CDX1: variants seen among roughly 807,000 people sequenced by gnomAD.
The protein encoded by CDX1 is homeobox protein CDX-1.
Under a neutral mutation model 16.9 loss-of-function variants are expected in CDX1, and 9 were observed. The ratio of observed to expected loss-of-function variants is 0.53; its 90% confidence interval spans 0.32 to 0.93. The LOEUF (loss-of-function observed/expected upper bound fraction) is 0.93, where lower values mean the gene tolerates loss of function less well. Ranked by LOEUF, CDX1 falls within the 40% of genes least tolerant of loss-of-function variation. The pLI is 0.04. For missense variants in CDX1, 393 were observed against 386.1 expected (o/e 1.02, Z -0.15); for synonymous variants, 179 against 179.0 (o/e 1.00, Z 0.00).
At chr5:150,181,374 TCTC>T (rs1390353912) in intron 1 of CDX1, among the ~76,000 whole-genome samples, 1 of 152,082 alleles carries the variant, frequency 6.6e-6, no homozygotes, top group Non-Finnish European at 1.5e-5. Flanking sequence ...TTCAAGCAAT[TCTC>T]CTGTTTTCCC....
Position 150,167,096 on chromosome 5 carries a change from G to A in CDX1, c.220G>A (p.Ala74Thr). The change falls in exon 1 of 3, where the codon GCC becomes ACC. Residue 74 changes from alanine (A) to threonine (T), a missense_variant. By Grantham distance (58) the Ala-to-Thr change is moderately conservative. Transcript: ENST00000231656. Reference sequence around the variant, plus strand: ...CCCTGCGCCCAAGGACGACTGGGCCGCCGCCTACGGCCCGGGCCCCGCGGC... The same window carrying A: ...CCCTGCGCCCAAGGACGACTGGGCCACCGCCTACGGCCCGGGCCCCGCGGC... ...PFPAPKDDWA[A>T]AYGPGPAAPA... 1.5e-6 allele frequency: 2 copies of A among 1,364,786 alleles called. No homozygotes were observed. Among genetic ancestry groups the A allele is most frequent in the South Asian group, 1.8e-5 (1 of 56,292 alleles). The allele number at this position is 1,364,786 out of a possible 1,614,324, so 84.5% of individuals were successfully genotyped here.
chr5:150,172,804 G>A (rs1016321085), intron 1 of CDX1, among the ~76,000 whole-genome samples: 2 of 152,138 alleles, frequency 1.3e-5, no homozygotes, highest in African/African-American at 4.8e-5. Flanking sequence ...TTTTTGGTTG[G>A]GTGTTTTCTC....
Position 150,184,100 on chromosome 5 carries a change from T to A in CDX1, c.*420T>A. On this transcript the variant is annotated 3_prime_UTR_variant, in exon 3 of 3. Transcript: ENST00000231656. Reference sequence around the variant, plus strand: ...GATGGAATGCTTGCAGAGCATGACCTGAGGAGGGAGGAACGTGGTCAACTC... The same window carrying A: ...GATGGAATGCTTGCAGAGCATGACCAGAGGAGGGAGGAACGTGGTCAACTC... 1 of 157,598 alleles carries A rather than the reference T, an allele frequency of 6.3e-6. No individual in the cohort carries two copies. 9.8% of individuals were successfully genotyped at this position (157,598 alleles called of 1,614,324 possible).
Position 150,183,831 on chromosome 5 carries a change from C to T in CDX1, c.*151C>T, listed in dbSNP as rs1752506859. On this transcript the variant is annotated 3_prime_UTR_variant, in exon 3 of 3. Transcript: ENST00000231656. ...TATCCACCCTCTGCATCCCCTTGGC[C>T]CATCTGTGCAGTAAGCCTGTTGGAT... is the stretch of plus-strand genomic sequence containing the variant. 1 of 568,006 alleles carries T rather than the reference C, an allele frequency of 1.8e-6. No individual in the cohort carries two copies. The highest frequency in any genetic ancestry group is 1.9e-5 in the African/African-American group (1 of 53,624). 35.2% of individuals were successfully genotyped at this position (568,006 alleles called of 1,614,324 possible). A position where few individuals can be genotyped will look rare whatever the true frequency, so the allele number is the denominator to read the frequency against.
chr5:150,171,707 C>T (rs939333061), intron 1 of CDX1, among the ~76,000 whole-genome samples: 2 of 152,224 alleles, frequency 1.3e-5, no homozygotes. Context: ...GAGAACTGGC[C>T]TCAACCATCT....
intron 1 of CDX1, among the ~76,000 whole-genome samples, chr5:150,169,877 CAG>C (rs145807166): frequency 0.05 from 7,607 of 152,090 alleles, 483 homozygotes; most frequent in African/African-American, 0.15. Context: ...AACCAAGGTA[CAG>C]AGACTGTGAA....
In CDX1 at chr5:150,170,932, C is replaced by T. The variant is rs141732768; in HGVS notation, c.445+3611C>T. Among the ~76,000 whole-genome samples, 301 of 152,056 alleles carry T rather than the reference C, an allele frequency of 2.0e-3. 2 individuals carry two copies. The highest frequency in any genetic ancestry group is 6.8e-3 in the African/African-American group (282 of 41,450). ...ATCATCATTTTCATTAGGATGGTTACGCATCATCCTTCCGTGGAAGGCTCA... is the reference window on the plus strand; with the variant it reads ...ATCATCATTTTCATTAGGATGGTTATGCATCATCCTTCCGTGGAAGGCTCA... On this transcript the variant is annotated intron_variant, in intron 1 of 2. Coordinates refer to ENST00000231656, the MANE Select transcript of CDX1 (RefSeq NM_001804.3).
At position 150,183,550 on chromosome 5, in the gene CDX1, C is replaced by T. The variant is rs1338320026; in HGVS notation, c.668C>T (p.Pro223Leu). 4.3e-6 allele frequency: 7 copies of T among 1,612,486 alleles called. No individual in the cohort carries two copies. The South Asian group carries it at 6.6e-5, about 15-fold the overall frequency. ...NKKKQQQQQP[P>L]QPPMAHDITA... ...AAGAAACAGCAGCAGCAACAGCCCC[C>T]ACAGCCGCCGATGGCCCACGACATC... The change falls in exon 3 of 3, where the codon CCA (proline) becomes CTA (leucine). Residue 223 changes from proline (P) to leucine (L), a missense_variant. Coordinates refer to ENST00000231656, the MANE Select transcript of CDX1 (RefSeq NM_001804.3).
In CDX1 at chr5:150,183,791, T is replaced by C. The variant is rs1752506239; in HGVS notation, c.*111T>C. On this transcript the variant is annotated 3_prime_UTR_variant, in exon 3 of 3. Transcript: ENST00000231656. ...GTCTCAGCCCTGACCTTCTGGGACA[T>C]GGTGGACAGTCACCTATCCACCCTC... The C allele has an allele frequency of 1.2e-6, 1 of 841,842 alleles. No individual in the cohort carries two copies. The highest frequency in any genetic ancestry group is 2.3e-5 in the South Asian group (1 of 43,872). 52.1% of individuals were successfully genotyped at this position (841,842 alleles called of 1,614,324 possible). A position where few individuals can be genotyped will look rare whatever the true frequency, so the allele number is the denominator to read the frequency against.
chr5:150,182,737 ACCTT>A, intron 1 of CDX1, 27 bp from the exon 2 acceptor site: 1 of 1,528,344 alleles, frequency 6.5e-7, no homozygotes, highest in South Asian at 1.3e-5. Flanking sequence ...CTCTCAACTC[ACCTT>A]CCTTCCCGGC....
At position 150,182,885 on chromosome 5, in the gene CDX1, C is replaced by A; in HGVS notation, c.563C>A (p.Ala188Asp). 1 of 1,611,872 alleles carries A rather than the reference C, an allele frequency of 6.2e-7. No individual in the cohort carries two copies. Among genetic ancestry groups the A allele is most frequent in the South Asian group, 1.1e-5 (1 of 90,734 alleles). Residue 188 changes from alanine to aspartate, a missense_variant, in exon 2 of 3, where the codon GCT (alanine) becomes GAT (aspartate). Ala to Asp is a moderately radical substitution (Grantham distance 126, BLOSUM62 -2). Transcript: ENST00000231656. ...ACAATCCGGCGGAAATCAGAGCTGG[C>A]TGCCAATCTGGGGCTCACTGAACGG... The part of the protein sequence containing the change: ...YITIRRKSEL[A>D]ANLGLTERQV...
Position 150,184,092 on chromosome 5 carries a change from G to A in CDX1, c.*412G>A, listed in dbSNP as rs1313804882. 4 of 159,762 alleles carry A rather than the reference G, an allele frequency of 2.5e-5. No individual in the cohort carries two copies. The highest frequency in any genetic ancestry group is 6.4e-5 in the Admixed American group (1 of 15,526). The allele number at this position is 159,762 out of a possible 1,614,324, so 9.9% of individuals were successfully genotyped here. A position where few individuals can be genotyped will look rare whatever the true frequency, so the allele number is the denominator to read the frequency against. On this transcript the variant is annotated 3_prime_UTR_variant, in exon 3 of 3. Transcript: ENST00000231656. ...CTGAAAAAGATGGAATGCTTGCAGA[G>A]CATGACCTGAGGAGGGAGGAACGTG...
chr5:150,178,297 C>G (rs1761594911), intron 1 of CDX1, among the ~76,000 whole-genome samples: 1 of 152,202 alleles, frequency 6.6e-6, no homozygotes, highest in Non-Finnish European at 1.5e-5. Context: ...GTGAGTTACC[C>G]AAGGCTCTTC....
chr5:150,167,259 A>G lies in CDX1; in HGVS notation c.383A>G (p.Gln128Arg), dbSNP rs1309233686. The change falls in exon 1 of 3, where the codon CAG (glutamine) becomes CGG (arginine). Residue 128 changes from glutamine (Q) to arginine (R), a missense_variant. By Grantham distance (43) the Gln-to-Arg change is conservative. Coordinates refer to ENST00000231656, the MANE Select transcript of CDX1 (RefSeq NM_001804.3). ...GPGTPSSPGAQRPTPYEWMRR... is the reference protein window; with the variant it reads ...GPGTPSSPGARRPTPYEWMRR... Reference sequence around the variant, plus strand: ...GGCACACCGTCCTCGCCCGGAGCGCAGAGGCCGACGCCCTACGAGTGGATG... The same window carrying G: ...GGCACACCGTCCTCGCCCGGAGCGCGGAGGCCGACGCCCTACGAGTGGATG... 7.9e-7 allele frequency: 1 copy of G among 1,267,084 alleles called. No homozygotes were observed. The highest frequency in any genetic ancestry group is 9.9e-7 in the Non-Finnish European group (1 of 1,012,660). The allele number at this position is 1,267,084 out of a possible 1,614,324, so 78.5% of individuals were successfully genotyped here.
At position 150,166,939 on chromosome 5, in the gene CDX1, C is replaced by G. The variant is rs1341241595; in HGVS notation, c.63C>G (p.Ala21=). Residue 21 remains alanine, a synonymous_variant, in exon 1 of 3, where the codon GCC becomes GCG. Coordinates refer to ENST00000231656, the MANE Select transcript of CDX1 (RefSeq NM_001804.3). Reference sequence around the variant, plus strand: ...TGTACCCCGGCCCAGCCAGGCCAGCCAGCCTCGGCCTGGGCCCGCAAGCCT... The same window carrying G: ...TGTACCCCGGCCCAGCCAGGCCAGCGAGCCTCGGCCTGGGCCCGCAAGCCT... The part of the protein sequence containing the change: ...SPVYPGPARP[A]SLGLGPQAYG... The G allele has an allele frequency of 3.4e-5, 51 of 1,505,292 alleles. No individual in the cohort carries two copies. The highest frequency in any genetic ancestry group is 4.1e-5 in the Non-Finnish European group (46 of 1,134,292). The allele number at this position is 1,505,292 out of a possible 1,614,324, so 93.2% of individuals were successfully genotyped here.
At chr5:150,173,640 A>G (rs2282811) in intron 1 of CDX1, among the ~76,000 whole-genome samples, 2,093 of 152,364 alleles carry the variant, frequency 0.014, 134 homozygotes, top group Admixed American at 0.11. Context: ...ATAATGAACT[A>G]TTTATCAAAT....
intron 1 of CDX1, among the ~76,000 whole-genome samples, chr5:150,171,861 T>A (rs890830652): frequency 2.6e-5 from 4 of 152,250 alleles, no homozygotes; most frequent in Non-Finnish European, 1.5e-5. Flanking sequence ...GAGCCTGGGC[T>A]GCTTCTGCTG....
At chr5:150,181,757 G>A (rs943192481) in intron 1 of CDX1, among the ~76,000 whole-genome samples, 1 of 152,086 alleles carries the variant, frequency 6.6e-6, no homozygotes, top group African/African-American at 2.4e-5. Context: ...AATATTTTAT[G>A]TTTATTTTTC....
intron 2 of CDX1, among the ~76,000 whole-genome samples, chr5:150,183,218 A>G (rs764422397): frequency 1.3e-5 from 2 of 152,186 alleles, no homozygotes; most frequent in Non-Finnish European, 2.9e-5. Flanking sequence ...ATAACAAGGA[A>G]GGCTTCCTGG....
Sources: allele counts gnomAD v4.1 joint callset (sites outside exome capture counted in the v4.1 genomes callset), GRCh38; gene constraint gnomAD v4.1.1; transcripts MANE v1.5; gene names NCBI Gene and HGNC (gene_info 2026-07-23, HGNC 2026-07-21).